The following ZDHHC2 variants were observed in gnomAD, a reference collection of about 807,000 sequenced individuals.
ZDHHC2 encodes the protein zDHHC palmitoyltransferase 2.
A neutral mutation model predicts 55.6 loss-of-function variants in ZDHHC2; 51 were observed. The observed-to-expected ratio is 0.92, with a 90% CI of 0.73 to 1.16. The LOEUF is 1.16. ZDHHC2 is among the 50% of genes most tolerant of loss of function. ZDHHC2 has a pLI of 0.00. For synonymous variants in ZDHHC2, 199 were observed against 152.9 expected (o/e 1.30, Z -2.22); for missense variants, 491 against 442.4 (o/e 1.11, Z -0.99).
chr8:17,175,440 A>G (rs1232702992), intron 1 of ZDHHC2, among the ~76,000 whole-genome samples: 1 of 152,212 alleles, frequency 6.6e-6, no homozygotes, highest in Non-Finnish European at 1.5e-5. Context: ...AGAAAATTTT[A>G]GCGTTACTAC....
At chr8:17,182,757 C>A (rs1223201840) in intron 1 of ZDHHC2, among the ~76,000 whole-genome samples, 1 of 152,018 alleles carries the variant, frequency 6.6e-6, no homozygotes, top group Non-Finnish European at 1.5e-5. Context: ...ACCAACTACA[C>A]CTTTTTTTTT....
Position 17,196,395 on chromosome 8 carries a change from A to G in ZDHHC2, c.373+771A>G, listed in dbSNP as rs111779893. Among the ~76,000 whole-genome samples, 397 of 152,162 alleles carry G rather than the reference A, an allele frequency of 2.6e-3. 5 individuals are homozygous for G. Among genetic ancestry groups the G allele is most frequent in the African/African-American group, 9.2e-3 (384 of 41,514 alleles). Reference sequence around the variant, plus strand: ...ACTTAGTATGAAAAATATATATAAAATATCTCATTAATGAACAGACACAGT... The same window carrying G: ...ACTTAGTATGAAAAATATATATAAAGTATCTCATTAATGAACAGACACAGT... On this transcript the variant is annotated intron_variant, in intron 4 of 12. Coordinates refer to ENST00000262096, the MANE Select transcript of ZDHHC2 (RefSeq NM_016353.5).
chr8:17,210,317 C>T, intron 9 of ZDHHC2, 71 bp from the exon 10 acceptor site: 4 of 1,462,970 alleles, frequency 2.7e-6, no homozygotes, highest in Non-Finnish European at 3.8e-6. Flanking sequence ...TCTCGGACAT[C>T]AGCATTTTGG....
intron 12 of ZDHHC2, among the ~76,000 whole-genome samples, chr8:17,217,613 C>T (rs1021606216): frequency 6.6e-6 from 1 of 152,078 alleles, no homozygotes; most frequent in South Asian, 2.1e-4. Context: ...TCAGAATATA[C>T]AGTGGTCATA....
At chr8:17,170,645 C>T (rs1188341421) in intron 1 of ZDHHC2, among the ~76,000 whole-genome samples, 1 of 152,094 alleles carries the variant, frequency 6.6e-6, no homozygotes, top group Non-Finnish European at 1.5e-5. Context: ...TGGTTTTTCT[C>T]CTTAATAAAT....
intron 2 of ZDHHC2, among the ~76,000 whole-genome samples, chr8:17,185,282 A>T (rs1373917426): frequency 6.6e-6 from 1 of 152,236 alleles, no homozygotes; most frequent in African/African-American, 2.4e-5. Flanking sequence ...AGCATATTTT[A>T]TTCAATGATA....
chr8:17,169,586 C>T (rs546326106), intron 1 of ZDHHC2, among the ~76,000 whole-genome samples: 51 of 152,166 alleles, frequency 3.4e-4, no homozygotes, highest in African/African-American at 1.2e-3. Context: ...GTGAATGCAT[C>T]GTGAATACAT....
At chr8:17,198,348 G>T (rs776859710) in intron 5 of ZDHHC2, 33 bp from the exon 6 acceptor site, 15 of 1,581,724 alleles carry the variant, frequency 9.5e-6, no homozygotes, top group Admixed American at 5.3e-5. Context: ...ATTTCATGGG[G>T]TATTAGGTTT....
rs151332992 is a variant in ZDHHC2 at position 17,188,994 on chromosome 8, A to G, written c.252+2569A>G. ...CCCTCACCCTCAGAGTATGGCCACA[A>G]TGTGAACTCATGTGCCGCACTGCTC... On this transcript the variant is annotated intron_variant, in intron 3 of 12. Transcript: ENST00000262096. Among the ~76,000 whole-genome samples the G allele has an allele frequency of 6.1e-3, 926 of 152,028 alleles. 11 individuals carry two copies. Among genetic ancestry groups the G allele is most frequent in the African/African-American group, 0.02 (839 of 41,444 alleles).
intron 8 of ZDHHC2, among the ~76,000 whole-genome samples, chr8:17,208,349 C>G (rs1203615395): frequency 6.7e-6 from 1 of 149,672 alleles, no homozygotes; most frequent in Non-Finnish European, 1.5e-5. Flanking sequence ...GATATAGTGG[C>G]ATATAGATAT....
intron 3 of ZDHHC2, among the ~76,000 whole-genome samples, chr8:17,194,864 G>A (rs887567909): frequency 4.0e-5 from 6 of 151,872 alleles, no homozygotes; most frequent in South Asian, 2.1e-4. Flanking sequence ...GTCTCCTGGC[G>A]CACATTTATA....
intron 3 of ZDHHC2, among the ~76,000 whole-genome samples, chr8:17,194,353 TA>T (rs1352379483): frequency 4.1e-5 from 6 of 147,858 alleles, no homozygotes; most frequent in Admixed American, 6.8e-5. Context: ...TAAATATATA[TA>T]TATACAAAAT....
At chr8:17,183,919 C>G (rs10101001) in intron 1 of ZDHHC2, among the ~76,000 whole-genome samples, 10,908 of 152,052 alleles carry the variant, frequency 0.072, 1,079 homozygotes, top group East Asian at 0.33. Flanking sequence ...AAAAATTTCT[C>G]ACACTACCCT....
intron 7 of ZDHHC2, 78 bp from the exon 8 acceptor site, chr8:17,207,882 T>A (rs922434892): frequency 8.7e-7 from 1 of 1,154,632 alleles, no homozygotes; most frequent in African/African-American, 1.6e-5. Flanking sequence ...AAAAAAAAAA[T>A]CTTACTAATT....
intron 3 of ZDHHC2, among the ~76,000 whole-genome samples, chr8:17,195,144 T>G (rs1255449483): frequency 6.6e-6 from 1 of 152,182 alleles, no homozygotes; most frequent in Admixed American, 6.5e-5. Context: ...AATGAAAAAT[T>G]TATTCATTGA....
chr8:17,210,185 A>G (rs1015913507), intron 9 of ZDHHC2, 127 bp downstream of exon 9: 107 of 1,205,142 alleles, frequency 8.9e-5, no homozygotes, highest in Non-Finnish European at 1.2e-4. Flanking sequence ...TTTAAAAAAT[A>G]TTATTCTATG....
In ZDHHC2 at chr8:17,199,606, T is replaced by TTTCTTCTTCTTC. The variant is rs147013065; in HGVS notation, c.476+1200_476+1211dup. On this transcript the variant is annotated intron_variant, in intron 6 of 12. Transcript: ENST00000262096. ...TCTTCTTCTTTCTTCTTCTTTATTC[T>TTTCTTCTTCTTC]TTCTTCTTCTTCTTCTTCCTTTCTT... is the stretch of plus-strand genomic sequence containing the variant. Among the ~76,000 whole-genome samples, 483 of 50,876 alleles carry TTTCTTCTTCTTC rather than the reference T, an allele frequency of 9.5e-3. 22 individuals are homozygous for TTTCTTCTTCTTC. Among genetic ancestry groups the TTTCTTCTTCTTC allele is most frequent in the African/African-American group, 0.022 (451 of 20,466 alleles). The allele number at this position is 50,876 out of a possible 152,430, so 33.4% of individuals were successfully genotyped here.
At chr8:17,205,609 G>T (rs1563165872) in intron 6 of ZDHHC2, 46 bp from the exon 7 acceptor site, 2 of 1,548,784 alleles carry the variant, frequency 1.3e-6, no homozygotes, top group Non-Finnish European at 1.7e-6. Flanking sequence ...GCACATGTAG[G>T]TTGAAGATGT....
chr8:17,194,377 A>G (rs999343848), intron 3 of ZDHHC2, among the ~76,000 whole-genome samples: 5 of 149,396 alleles, frequency 3.3e-5, no homozygotes, highest in African/African-American at 1.2e-4. Context: ...ATAAGAACGT[A>G]TATATAATGC....
Sources: allele counts gnomAD v4.1 joint callset (sites outside exome capture counted in the v4.1 genomes callset), GRCh38; gene constraint gnomAD v4.1.1; transcripts MANE v1.5; gene names NCBI Gene and HGNC (gene_info 2026-07-23, HGNC 2026-07-21).